Variants in ART3 observed in about 807,000 individuals in gnomAD.
The protein encoded by ART3 is ecto-ADP-ribosyltransferase 3.
In ART3, 49 loss-of-function variants were observed where a neutral mutation model predicts 48.5. The observed-to-expected ratio is 1.01, with a 90% confidence interval of 0.80 to 1.28. The LOEUF (loss-of-function observed/expected upper bound fraction) is 1.28. ART3 is among the 50% of genes most tolerant of loss of function. The pLI is 0.00. For missense variants in ART3, 438 were observed against 454.3 expected, an observed-to-expected ratio of 0.96 and a Z score of 0.33; for synonymous variants, 145 against 157.2, an observed-to-expected ratio of 0.92 and a Z score of 0.58.
At chr4:76,051,004 C>G (rs1049504298) in intron 1 of ART3, among the ~76,000 whole-genome samples, 2 of 151,870 alleles carry the variant, frequency 1.3e-5, no homozygotes, top group Admixed American at 1.3e-4. Context: ...GCCTGCAAGC[C>G]CACGCGCAGC....
At chr4:76,066,663 C>T (rs1324595614) in intron 1 of ART3, among the ~76,000 whole-genome samples, 5 of 152,180 alleles carry the variant, frequency 3.3e-5, no homozygotes, top group Non-Finnish European at 7.4e-5. Flanking sequence ...CTGGTTGGCC[C>T]ATGGGTGGTC....
At chr4:76,110,775 A>C (rs1208607496) in intron 11 of ART3, among the ~76,000 whole-genome samples, 10 of 152,088 alleles carry the variant, frequency 6.6e-5, no homozygotes, top group Non-Finnish European at 1.5e-4. Flanking sequence ...TATATTGGAA[A>C]TCTTTTTGGA....
chr4:76,069,010 A>G (rs1009589967), intron 1 of ART3, among the ~76,000 whole-genome samples: 1 of 152,190 alleles, frequency 6.6e-6, no homozygotes, highest in African/African-American at 2.4e-5. Context: ...AATCATTTTT[A>G]GAACTACTGA....
intron 1 of ART3, among the ~76,000 whole-genome samples, chr4:76,067,656 C>T (rs982575909): frequency 5.9e-5 from 9 of 152,204 alleles, no homozygotes; most frequent in Non-Finnish European, 1.3e-4. Flanking sequence ...ACGTAGTTCA[C>T]AAACCCCCAT....
At chr4:76,069,432 C>G (rs1472526816) in intron 1 of ART3, among the ~76,000 whole-genome samples, 1 of 137,558 alleles carries the variant, frequency 7.3e-6, no homozygotes. Flanking sequence ...CTCTATCACC[C>G]AGGCTGGAGT....
chr4:76,047,356 G>A (rs940074371), intron 1 of ART3, among the ~76,000 whole-genome samples: 2 of 151,876 alleles, frequency 1.3e-5, no homozygotes, highest in African/African-American at 4.8e-5. Context: ...AGGTTGCCAG[G>A]TTTAATAATG....
chr4:76,100,847 T>G, intron 7 of ART3, 23 bp downstream of exon 7: 4 of 1,610,776 alleles, frequency 2.5e-6, no homozygotes, highest in Non-Finnish European at 3.4e-6. Context: ...TTATAAATTC[T>G]GGGGGCTTAC....
chr4:76,040,227 A>G (rs183927421), intron 1 of ART3, among the ~76,000 whole-genome samples: 2 of 152,266 alleles, frequency 1.3e-5, no homozygotes, highest in Admixed American at 6.5e-5. Flanking sequence ...TGCAAGGTTG[A>G]GGCAGGAGAA....
chr4:76,011,729 A>T (rs1054991024), intron 1 of ART3, among the ~76,000 whole-genome samples: 1 of 152,202 alleles, frequency 6.6e-6, no homozygotes, highest in Non-Finnish European at 1.5e-5. Context: ...CTGTTCTGCC[A>T]TGGTAGGGTA....
intron 1 of ART3, among the ~76,000 whole-genome samples, chr4:76,043,186 A>G (rs1251756368): frequency 6.6e-6 from 1 of 152,046 alleles, no homozygotes; most frequent in Non-Finnish European, 1.5e-5. Context: ...CTAGACATAA[A>G]GGTTCTCCAC....
At chr4:76,054,182 T>G (rs1231394793) in intron 1 of ART3, among the ~76,000 whole-genome samples, 1 of 152,180 alleles carries the variant, frequency 6.6e-6, no homozygotes, top group Non-Finnish European at 1.5e-5. Flanking sequence ...CGATATTATT[T>G]CAGGGCTAGT....
Position 76,043,813 on chromosome 4 carries a change from G to A in ART3, c.-9-32068G>A, listed in dbSNP as rs182239517. On this transcript the variant is annotated intron_variant, in intron 1 of 9. Transcript: ENST00000341029. ...GGCAGAGGAGGTACCAAGAGCAAGC[G>A]AGGGCTGTGAGGACTGCCAGCACAC... 5.9e-4 allele frequency among the ~76,000 whole-genome samples: 89 copies of A among 151,560 alleles called. 1 individual carries two copies. Among genetic ancestry groups the A allele is most frequent in the East Asian group, 1.2e-3 (6 of 5,106 alleles).
intron 1 of ART3, among the ~76,000 whole-genome samples, chr4:76,042,007 CTTTAT>C (rs1453580070): frequency 6.6e-6 from 1 of 152,102 alleles, no homozygotes; most frequent in Non-Finnish European, 1.5e-5. Context: ...AATTGGACTA[CTTTAT>C]TTTATTTTCC....
At chr4:76,060,582 G>C (rs140425673) in intron 1 of ART3, among the ~76,000 whole-genome samples, 56 of 150,472 alleles carry the variant, frequency 3.7e-4, no homozygotes, top group Non-Finnish European at 6.9e-4. Flanking sequence ...CTGTGAATAT[G>C]TTATATTACA....
chr4:76,044,466 G>C (rs993508191), intron 1 of ART3, among the ~76,000 whole-genome samples: 5 of 152,110 alleles, frequency 3.3e-5, no homozygotes, highest in African/African-American at 1.2e-4. Context: ...CTGAGAGGCA[G>C]ATATGGGTTG....
chr4:76,068,194 C>A (rs1297067490), intron 1 of ART3, among the ~76,000 whole-genome samples: 1 of 152,100 alleles, frequency 6.6e-6, no homozygotes, highest in East Asian at 1.9e-4. Context: ...ATAAAATTCA[C>A]AAATTTGAAG....
At chr4:76,054,184 A>T (rs1718454025) in intron 1 of ART3, among the ~76,000 whole-genome samples, 1 of 152,224 alleles carries the variant, frequency 6.6e-6, no homozygotes, top group African/African-American at 2.4e-5. Context: ...ATATTATTTC[A>T]GGGCTAGTTG....
intron 1 of ART3, among the ~76,000 whole-genome samples, chr4:76,013,269 C>G (rs4318674): frequency 0.62 from 94,358 of 151,978 alleles, 30,464 homozygotes; most frequent in East Asian, 0.94. Flanking sequence ...AATTTGAGAA[C>G]CTGCAAGTAC....
At chr4:76,057,806 G>A (rs777261938) in intron 1 of ART3, among the ~76,000 whole-genome samples, 4 of 152,168 alleles carry the variant, frequency 2.6e-5, no homozygotes, top group Admixed American at 6.6e-5. Context: ...CTATATATGC[G>A]CATAGTTTAA....
Sources: allele counts gnomAD v4.1 joint callset (sites outside exome capture counted in the v4.1 genomes callset), GRCh38; gene constraint gnomAD v4.1.1; transcripts MANE v1.5; gene names NCBI Gene and HGNC (gene_info 2026-07-23, HGNC 2026-07-21).